RPS6KC1: variants seen among roughly 807,000 people sequenced by gnomAD.
The protein encoded by RPS6KC1 is inactive ribosomal protein S6 kinase delta-1.
RPS6KC1 carries 54 observed loss-of-function variants against 103.8 expected under a neutral mutation model. The observed-to-expected ratio is 0.52, with a 90% CI of 0.42 to 0.65. The LOEUF (loss-of-function observed/expected upper bound fraction) is 0.65. RPS6KC1 is among the 30% of genes least tolerant of loss of function. The pLI, the probability that RPS6KC1 is intolerant of heterozygous loss-of-function variation, is 0.00. For missense variants in RPS6KC1, 1,151 were observed against 1,253.8 expected, an observed-to-expected ratio of 0.92 and a Z score of 1.24; for synonymous variants, 439 against 438.7, an observed-to-expected ratio of 1.00 and a Z score of -0.01.
chr1:213,417,222 G>A, the RPS6KC1 span, among the ~76,000 whole-genome samples: 14 of 152,102 alleles, frequency 9.2e-5, no homozygotes, highest in Non-Finnish European at 8.8e-5. Flanking sequence ...CATTTGCTAC[G>A]AATCTTTATT....
the RPS6KC1 span, among the ~76,000 whole-genome samples, chr1:213,393,065 A>T: frequency 6.6e-6 from 1 of 152,226 alleles, no homozygotes; most frequent in Non-Finnish European, 1.5e-5. Context: ...TTGACAATAG[A>T]TGTGGAAATA....
chr1:213,258,301 G>A (rs1254881117), intron 12 of RPS6KC1, among the ~76,000 whole-genome samples: 2 of 151,974 alleles, frequency 1.3e-5, no homozygotes, highest in African/African-American at 4.8e-5. Flanking sequence ...ATGCGGTTTC[G>A]CCATGTTGGC....
chr1:213,392,681 A>G, the RPS6KC1 span, among the ~76,000 whole-genome samples: 3 of 152,180 alleles, frequency 2.0e-5, no homozygotes, highest in East Asian at 5.8e-4. Flanking sequence ...TGCTCCTGCT[A>G]TATGTGATTA....
chr1:213,312,628 G>A, the RPS6KC1 span, among the ~76,000 whole-genome samples: 47 of 152,320 alleles, frequency 3.1e-4, no homozygotes, highest in Non-Finnish European at 6.3e-4. Flanking sequence ...GAAGGAAAGC[G>A]AGCCTGGCCC....
chr1:213,283,929 T>G, the RPS6KC1 span, among the ~76,000 whole-genome samples: 1 of 151,900 alleles, frequency 6.6e-6, no homozygotes. Context: ...GAAAACTAAT[T>G]TCATGTAAAA....
chr1:213,402,058 C>T, the RPS6KC1 span, among the ~76,000 whole-genome samples: 10 of 152,062 alleles, frequency 6.6e-5, no homozygotes, highest in East Asian at 1.5e-3. Flanking sequence ...GTGTAGGCCA[C>T]CACACCTGGC....
the RPS6KC1 span, among the ~76,000 whole-genome samples, chr1:213,628,584 G>T: frequency 6.6e-6 from 1 of 151,922 alleles, no homozygotes; most frequent in Non-Finnish European, 1.5e-5. Context: ...CTATTAACTT[G>T]TCATTTAACA....
At chr1:213,639,841 A>G in the RPS6KC1 span, among the ~76,000 whole-genome samples, 49 of 151,760 alleles carry the variant, frequency 3.2e-4, no homozygotes, top group African/African-American at 1.1e-3. Flanking sequence ...TTCATGAGGA[A>G]TATTGGTCTA....
At chr1:213,848,913 A>C in the RPS6KC1 span, among the ~76,000 whole-genome samples, 3 of 152,154 alleles carry the variant, frequency 2.0e-5, no homozygotes. Flanking sequence ...ATCCCGGGGC[A>C]TTAAGAGTGA....
At chr1:213,151,383 C>T (rs1484488031) in intron 6 of RPS6KC1, among the ~76,000 whole-genome samples, 1 of 112,192 alleles carries the variant, frequency 8.9e-6, no homozygotes, top group African/African-American at 3.7e-5. Flanking sequence ...GGGCGGCTGG[C>T]CGGGCAGAGG....
chr1:213,692,591 C>T, the RPS6KC1 span, among the ~76,000 whole-genome samples: 1 of 152,084 alleles, frequency 6.6e-6, no homozygotes, highest in South Asian at 2.1e-4. Context: ...GCACAGTGGC[C>T]TGCCAGCACT....
chr1:213,256,643 A>G (rs1380927130), intron 12 of RPS6KC1, among the ~76,000 whole-genome samples: 1 of 151,990 alleles, frequency 6.6e-6, no homozygotes, highest in Non-Finnish European at 1.5e-5. Context: ...GGCTTCCTCT[A>G]GGGGATTCTT....
At chr1:213,092,127 AACT>A (rs1484230112) in intron 3 of RPS6KC1, among the ~76,000 whole-genome samples, 1 of 152,184 alleles carries the variant, frequency 6.6e-6, no homozygotes, top group African/African-American at 2.4e-5. Context: ...AAAAAAATGC[AACT>A]GCTTTTGTAG....
the RPS6KC1 span, among the ~76,000 whole-genome samples, chr1:213,381,907 T>C: frequency 6.6e-6 from 1 of 152,184 alleles, no homozygotes; most frequent in Admixed American, 6.5e-5. Flanking sequence ...GACACCCTCG[T>C]GCAGCTTCTG....
the RPS6KC1 span, among the ~76,000 whole-genome samples, chr1:213,758,185 G>A: frequency 6.6e-6 from 1 of 152,094 alleles, no homozygotes; most frequent in Non-Finnish European, 1.5e-5. Flanking sequence ...CATTTTATAA[G>A]GCTATAACTC....
At chr1:213,387,083 C>A in the RPS6KC1 span, among the ~76,000 whole-genome samples, 1 of 152,206 alleles carries the variant, frequency 6.6e-6, no homozygotes, top group Non-Finnish European at 1.5e-5. Flanking sequence ...CTGGACACAG[C>A]ACCAGCCCAC....
chr1:213,742,125 C>G, the RPS6KC1 span, among the ~76,000 whole-genome samples: 3 of 151,932 alleles, frequency 2.0e-5, no homozygotes, highest in Non-Finnish European at 4.4e-5. Flanking sequence ...CACGAGTGCT[C>G]CTAGATTATT....
the RPS6KC1 span, among the ~76,000 whole-genome samples, chr1:213,684,737 A>G: frequency 6.6e-6 from 1 of 152,214 alleles, no homozygotes; most frequent in African/African-American, 2.4e-5. Context: ...ATGAAGTGCA[A>G]TTGCAGGTCC....
chr1:213,454,090 G>C, the RPS6KC1 span, among the ~76,000 whole-genome samples: 4,390 of 152,044 alleles, frequency 0.029, 215 homozygotes, highest in African/African-American at 0.1. Flanking sequence ...TAGGCTATGA[G>C]TAATTACGTT....
Sources: allele counts gnomAD v4.1 joint callset (sites outside exome capture counted in the v4.1 genomes callset), GRCh38; gene constraint gnomAD v4.1.1; transcripts MANE v1.5; gene names NCBI Gene and HGNC (gene_info 2026-07-23, HGNC 2026-07-21).